Variants in PRKG2 observed in about 807,000 individuals in gnomAD.
PRKG2 encodes the protein protein kinase cGMP-dependent 2, also known as cGMP-dependent protein kinase 2.
A neutral mutation model predicts 97.2 loss-of-function variants in PRKG2; 33 were observed. That is an observed-to-expected ratio of 0.34 (90% CI 0.26 to 0.45). PRKG2 has a LOEUF of 0.45. PRKG2 is among the 20% of genes least tolerant of loss of function. PRKG2 has a pLI of 1.00. For synonymous variants in PRKG2, 330 were observed against 321.8 expected (o/e 1.03, Z -0.27); for missense variants, 638 against 900.0 (o/e 0.71, Z 3.73).
intron 2 of PRKG2, among the ~76,000 whole-genome samples, chr4:81,189,066 T>TAAAAAAAAAAAAAAAAAAAAAAA: frequency 1.2e-4 from 2 of 17,056 alleles, no homozygotes; most frequent in Non-Finnish European, 1.5e-4. Context: ...AAAAAAATAA[T>TAAAAAAAAAAAAAAAAAAAAAAA]AAAAAAAAAA....
At chr4:81,133,077 T>C (rs1578396292) in intron 14 of PRKG2, among the ~76,000 whole-genome samples, 1 of 152,122 alleles carries the variant, frequency 6.6e-6, no homozygotes, top group South Asian at 2.1e-4. Context: ...AGAAAGAATA[T>C]ACATTGATTC....
chr4:81,209,199 G>A (rs531194913), intron 1 of PRKG2, among the ~76,000 whole-genome samples: 19 of 152,348 alleles, frequency 1.2e-4, no homozygotes, highest in African/African-American at 4.3e-4. Flanking sequence ...AAAAGTGACT[G>A]TGAAGGCGCT....
chr4:81,189,381 C>CA lies in PRKG2; in HGVS notation c.462-14423dup, dbSNP rs1338883150. On this transcript the variant is annotated intron_variant, in intron 2 of 18. Transcript: ENST00000264399. The stretch of plus-strand genomic sequence containing the variant: ...GAAATAATAAAAATGTCAACACACA[C>CA]AAAAAAAAAGAAAATGTGGCACATA... Among the ~76,000 whole-genome samples the CA allele has an allele frequency of 6.3e-5, 8 of 126,756 alleles. 1 individual carries two copies. The highest frequency in any genetic ancestry group is 9.1e-5 in the Non-Finnish European group (6 of 66,188). The allele number at this position is 126,756 out of a possible 152,430, so 83.2% of individuals were successfully genotyped here.
At chr4:81,138,261 C>T (rs1411839589) in intron 12 of PRKG2, among the ~76,000 whole-genome samples, 1 of 152,170 alleles carries the variant, frequency 6.6e-6, no homozygotes, top group African/African-American at 2.4e-5. Context: ...GTAGGCAGGG[C>T]ATCACATTTC....
At chr4:81,153,557 T>C in intron 7 of PRKG2, 87 bp downstream of exon 7, 1 of 1,013,970 alleles carries the variant, frequency 9.9e-7, no homozygotes. Context: ...GTGGAGGACC[T>C]ATGTTGCAAT....
At chr4:81,107,018 G>A (rs1743413641) in intron 15 of PRKG2, among the ~76,000 whole-genome samples, 1 of 152,180 alleles carries the variant, frequency 6.6e-6, no homozygotes, top group African/African-American at 2.4e-5. Context: ...AGCCCAAGCT[G>A]ACTAAGACAC....
chr4:81,168,649 T>C (rs1750200787), intron 5 of PRKG2, among the ~76,000 whole-genome samples: 1 of 152,110 alleles, frequency 6.6e-6, no homozygotes, highest in African/African-American at 2.4e-5. Context: ...TGATAGCTAA[T>C]GCATTGGCTG....
chr4:81,173,707 C>T (rs925233767), intron 3 of PRKG2: 53 of 152,066 alleles, frequency 3.5e-4, no homozygotes, highest in African/African-American at 1.2e-3. Flanking sequence ...GTATATAAAA[C>T]AATCTTTTAT....
intron 2 of PRKG2, among the ~76,000 whole-genome samples, chr4:81,177,433 C>T (rs1031852661): frequency 1.3e-5 from 2 of 152,132 alleles, no homozygotes; most frequent in Non-Finnish European, 2.9e-5. Flanking sequence ...CGGCCAGGCG[C>T]GGTGGCTCAC....
At chr4:81,194,360 A>C (rs900145370) in intron 2 of PRKG2, among the ~76,000 whole-genome samples, 1 of 151,596 alleles carries the variant, frequency 6.6e-6, no homozygotes, top group Non-Finnish European at 1.5e-5. Context: ...ACGCATCTCT[A>C]TTTTCTTCCC....
chr4:81,207,463 T>A (rs1249150086), intron 1 of PRKG2, among the ~76,000 whole-genome samples: 2 of 152,198 alleles, frequency 1.3e-5, no homozygotes, highest in African/African-American at 4.8e-5. Flanking sequence ...CAAAGTATCA[T>A]ATACCATATC....
intron 17 of PRKG2, among the ~76,000 whole-genome samples, chr4:81,100,868 A>C (rs1742675603): frequency 6.6e-6 from 1 of 152,238 alleles, no homozygotes; most frequent in Admixed American, 6.5e-5. Context: ...ACAAATTTAC[A>C]AGAAAAAACA....
At chr4:81,217,031 G>GTATATATA (rs35897460), upstream of PRKG2, among the ~76,000 whole-genome samples, 8,121 of 114,954 alleles carry the variant, frequency 0.071, 425 homozygotes, top group Non-Finnish European at 0.086. Flanking sequence ...TATATATTTT[G>GTATATATA]TATATATATA....
intron 3 of PRKG2, among the ~76,000 whole-genome samples, chr4:81,172,696 G>GA (rs527899599): frequency 4.6e-5 from 7 of 151,896 alleles, no homozygotes; most frequent in African/African-American, 1.4e-4. Context: ...GTTCTTAGAG[G>GA]AAAAAAAAGT....
At chr4:81,194,374 C>A (rs1458007463) in intron 2 of PRKG2, among the ~76,000 whole-genome samples, 1 of 151,658 alleles carries the variant, frequency 6.6e-6, no homozygotes, top group Non-Finnish European at 1.5e-5. Context: ...TCTTCCCCAT[C>A]CCCAGATAAT....
chr4:81,136,893 C>T (rs1746758879), intron 13 of PRKG2, among the ~76,000 whole-genome samples: 2 of 152,192 alleles, frequency 1.3e-5, no homozygotes, highest in South Asian at 4.1e-4. Flanking sequence ...TCTAGAGCGT[C>T]TCCTCCTGAC....
intron 18 of PRKG2, among the ~76,000 whole-genome samples, chr4:81,091,982 A>G (rs1385275176): frequency 1.3e-5 from 2 of 152,260 alleles, no homozygotes; most frequent in African/African-American, 4.8e-5. Context: ...TATTGATTAC[A>G]TATTGAAATA....
chr4:81,161,162 C>T (rs1749564013), intron 6 of PRKG2, among the ~76,000 whole-genome samples: 1 of 152,114 alleles, frequency 6.6e-6, no homozygotes, highest in South Asian at 2.1e-4. Context: ...TACTAACAAA[C>T]ATGCGTTTTA....
intron 1 of PRKG2, among the ~76,000 whole-genome samples, chr4:81,214,175 GAGA>G (rs1397378195): frequency 7.7e-4 from 115 of 149,692 alleles, no homozygotes; most frequent in South Asian, 4.2e-3. Flanking sequence ...AAAAAAGAAG[GAGA>G]AGAAGAAGAA....
Sources: allele counts gnomAD v4.1 joint callset (sites outside exome capture counted in the v4.1 genomes callset), GRCh38; gene constraint gnomAD v4.1.1; transcripts MANE v1.5; gene names NCBI Gene and HGNC (gene_info 2026-07-23, HGNC 2026-07-21).